The following INSR variants were observed in gnomAD, a reference collection of about 807,000 sequenced individuals.
INSR encodes the protein insulin receptor, also known as IR.
In INSR, 67 loss-of-function variants were observed where a neutral mutation model predicts 142.6. That is an observed-to-expected ratio of 0.47 (90% confidence interval 0.39 to 0.58). The LOEUF (loss-of-function observed/expected upper bound fraction) is 0.58. INSR is among the 20% of genes least tolerant of loss of function. INSR has a pLI of 0.00. For synonymous variants in INSR, 756 were observed against 743.1 expected (o/e 1.02, Z -0.28); for missense variants, 1,248 against 1,833.2 (o/e 0.68, Z 5.83).
chr19:7,215,834 G>T (rs1345371995), intron 2 of INSR, among the ~76,000 whole-genome samples: 5 of 151,512 alleles, frequency 3.3e-5, no homozygotes, highest in Non-Finnish European at 7.4e-5. Context: ...CTCCCAAAGT[G>T]CTGGGATTAC....
In INSR at chr19:7,164,115, AAG is replaced by A. The variant is rs1305633066; in HGVS notation, c.1862-918_1862-917del. Among the ~76,000 whole-genome samples, 664 of 146,980 alleles carry A rather than the reference AAG, an allele frequency of 4.5e-3. 4 individuals carry two copies. Among genetic ancestry groups the A allele is most frequent in the Middle Eastern group, 0.043 (12 of 280 alleles). On this transcript the variant is annotated intron_variant, in intron 8 of 21. Transcript: ENST00000302850. The stretch of plus-strand genomic sequence containing the variant: ...GTTAAAAAAAAAAAAAAAAAAAAAA[AAG>A]CTTGAATTTGAGCCTACAGGACGGG...
At chr19:7,194,085 G>A (rs150982065) in intron 2 of INSR, among the ~76,000 whole-genome samples, 2 of 152,296 alleles carry the variant, frequency 1.3e-5, no homozygotes, top group African/African-American at 4.8e-5. Flanking sequence ...TTCTAATAAT[G>A]ACAGGCATCG....
At chr19:7,147,948 C>G (rs548951778) in intron 11 of INSR, among the ~76,000 whole-genome samples, 25 of 152,110 alleles carry the variant, frequency 1.6e-4, no homozygotes, top group Non-Finnish European at 3.4e-4. Flanking sequence ...GAGTCTTGCT[C>G]TGTTGCCCAG....
Position 7,132,296 on chromosome 19 carries a change from G to A in INSR, c.2704C>T (p.Arg902Cys), listed in dbSNP as rs1423107716. The A allele has an allele frequency of 8.1e-6, 13 of 1,614,012 alleles. No individual in the cohort carries two copies. Among genetic ancestry groups the A allele is most frequent in the Admixed American group, 5.0e-5 (3 of 60,004 alleles). The change falls in exon 14 of 22, where the codon CGC becomes TGC. Residue 902 changes from arginine (R) to cysteine (C), a missense_variant. Coordinates refer to ENST00000302850, the MANE Select transcript of INSR (RefSeq NM_000208.4). ...CCCCGTTCCAGAGCGAAGTGCTTGC[G>A]GGAGACGCAGAGATGCAGCTCCTGG... Reference protein sequence around the residue: ...GDEELHLCVSRKHFALERGCR... With the variant: ...GDEELHLCVSCKHFALERGCR...
chr19:7,171,061 G>A (rs1267271789), intron 5 of INSR, among the ~76,000 whole-genome samples: 1 of 152,136 alleles, frequency 6.6e-6, no homozygotes, highest in African/African-American at 2.4e-5. Flanking sequence ...AGGCACCTAA[G>A]CTGAGTTCAG....
chr19:7,268,349 G>A (rs1268559160), intron 1 of INSR: 3 of 800,806 alleles, frequency 3.7e-6, no homozygotes, highest in East Asian at 1.3e-4. Flanking sequence ...CTCCCACCTC[G>A]CTGGCTGACT....
chr19:7,228,817 G>A (rs569443013), intron 2 of INSR, among the ~76,000 whole-genome samples: 2 of 152,326 alleles, frequency 1.3e-5, no homozygotes, highest in South Asian at 4.1e-4. Flanking sequence ...TAGATGGAGA[G>A]ATGAATGGAC....
In INSR at chr19:7,255,476, G is replaced by A. The variant is rs1386168009; in HGVS notation, c.652+11869C>T. On this transcript the variant is annotated intron_variant, in intron 2 of 21. Coordinates refer to ENST00000302850, the MANE Select transcript of INSR (RefSeq NM_000208.4). ...CTTCTCTTTGCCATTTCATCCACCCGAATACCCTTCCCTCTCACCCTGTCT... is the reference window on the plus strand; with the variant it reads ...CTTCTCTTTGCCATTTCATCCACCCAAATACCCTTCCCTCTCACCCTGTCT... 2.7e-5 allele frequency among the ~76,000 whole-genome samples: 4 copies of A among 148,740 alleles called. No individual in the cohort carries two copies. The East Asian group carries it at 5.9e-4, about 22-fold the overall frequency.
At chr19:7,122,455 A>G (rs1972515743) in intron 19 of INSR, 159 bp downstream of exon 19, 2 of 810,468 alleles carry the variant, frequency 2.5e-6, no homozygotes, top group Non-Finnish European at 4.0e-6. Context: ...TCAAAAACAA[A>G]AAGACAAAAC....
In INSR at chr19:7,117,309, G is replaced by A. The variant is rs559399455; in HGVS notation, c.3896C>T (p.Pro1299Leu). 2 of 1,614,180 alleles carry A rather than the reference G, an allele frequency of 1.2e-6. No homozygotes were observed. The highest frequency in any genetic ancestry group is 2.2e-5 in the South Asian group (2 of 91,084). Residue 1299 changes from proline (P) to leucine (L), a missense_variant, in exon 22 of 22, where the codon CCA becomes CTA. Physicochemically the swap from Pro to Leu is moderately conservative, Grantham distance 98. Coordinates refer to ENST00000302850, the MANE Select transcript of INSR (RefSeq NM_000208.4). The stretch of plus-strand genomic sequence containing the variant: ...CTCGCTGTGGAAGAACGACACCTCT[G>A]GAAAGCTGGGGTGCAGGTCGTCCTT... The part of the protein sequence containing the change: ...LLKDDLHPSF[P>L]EVSFFHSEEN...
At chr19:7,248,775 T>TTTTTTTTTTTTTTTTTTGATG (rs1976612946) in intron 2 of INSR, among the ~76,000 whole-genome samples, 1 of 114,194 alleles carries the variant, frequency 8.8e-6, no homozygotes, top group Non-Finnish European at 1.9e-5. Flanking sequence ...TTTTTTTTTT[T>TTTTTTTTTTTTTTTTTTGATG]GAGACGGAGT....
At chr19:7,275,306 G>C (rs1013033030) in intron 1 of INSR, among the ~76,000 whole-genome samples, 1 of 151,858 alleles carries the variant, frequency 6.6e-6, no homozygotes, top group Non-Finnish European at 1.5e-5. Context: ...CCTCCATTTG[G>C]TCCAGGGCTG....
intron 9 of INSR, among the ~76,000 whole-genome samples, chr19:7,160,992 T>A (rs1973733431): frequency 7.8e-6 from 1 of 127,522 alleles, no homozygotes; most frequent in Admixed American, 7.7e-5. Flanking sequence ...TGAGACTCCG[T>A]GTCAAAAAAA....
intron 2 of INSR, among the ~76,000 whole-genome samples, chr19:7,243,561 G>A (rs1156985239): frequency 6.6e-6 from 1 of 151,924 alleles, no homozygotes; most frequent in African/African-American, 2.4e-5. Context: ...TTTTTCTTAA[G>A]TTATCAAAGA....
rs1374577607 is a variant in INSR at position 7,153,027 on chromosome 19, C to A, written c.2030-100G>T. Reference sequence around the variant, plus strand: ...ACACACACACACCACACACACACACCACACACACACACACCACACACCCCC... The same window carrying A: ...ACACACACACACCACACACACACACAACACACACACACACCACACACCCCC... On this transcript the variant is annotated intron_variant, in intron 9 of 21. Coordinates refer to ENST00000302850, the MANE Select transcript of INSR (RefSeq NM_000208.4). 9.0e-6 allele frequency: 4 copies of A among 442,124 alleles called. No individual in the cohort carries two copies. The African/African-American group carries it at 2.0e-4, about 22-fold the overall frequency. The allele number at this position is 442,124 out of a possible 1,614,324, so 27.4% of individuals were successfully genotyped here. A position where few individuals can be genotyped will look rare whatever the true frequency, so the allele number is the denominator to read the frequency against.
chr19:7,209,481 T>C (rs538641304), intron 2 of INSR, among the ~76,000 whole-genome samples: 1 of 152,248 alleles, frequency 6.6e-6, no homozygotes, highest in East Asian at 1.9e-4. Context: ...CCAGGCTGCC[T>C]ATCACAGCTC....
At chr19:7,210,857 G>A (rs1326310021) in intron 2 of INSR, among the ~76,000 whole-genome samples, 2 of 152,012 alleles carry the variant, frequency 1.3e-5, no homozygotes, top group African/African-American at 2.4e-5. Flanking sequence ...TGCCTCCCAA[G>A]TAGCTGGGAT....
At chr19:7,197,576 G>A (rs1283541827) in intron 2 of INSR, among the ~76,000 whole-genome samples, 1 of 55,144 alleles carries the variant, frequency 1.8e-5, no homozygotes, top group Non-Finnish European at 3.7e-5. Flanking sequence ...GTGTGTGTTT[G>A]GGTGTGTGTG....
chr19:7,132,460 C>A, intron 13 of INSR, 143 bp from the exon 14 acceptor site: 1 of 862,958 alleles, frequency 1.2e-6, no homozygotes, highest in East Asian at 2.6e-5. Context: ...ACATAAGCGA[C>A]TTTGAGAATT....
Sources: allele counts gnomAD v4.1 joint callset (sites outside exome capture counted in the v4.1 genomes callset), GRCh38; gene constraint gnomAD v4.1.1; transcripts MANE v1.5; gene names NCBI Gene and HGNC (gene_info 2026-07-23, HGNC 2026-07-21).